Variants in PRKG1 observed in about 807,000 individuals in gnomAD.
PRKG1 encodes protein kinase cGMP-dependent 1, also known as cGMP-dependent protein kinase 1.
PRKG1 carries 35 observed loss-of-function variants against 88.1 expected under a neutral mutation model. That is an observed-to-expected ratio of 0.40 (90% confidence interval 0.30 to 0.53). The LOEUF (loss-of-function observed/expected upper bound fraction) is 0.53, where lower values mean the gene tolerates loss of function less well. Ranked by LOEUF, PRKG1 falls within the 20% of genes least tolerant of loss-of-function variation. The probability of loss-of-function intolerance (pLI) is 0.59; values close to 1 mark genes in which losing one functional copy is unlikely to be tolerated. For synonymous variants in PRKG1, 303 were observed against 292.5 expected, an observed-to-expected ratio of 1.04 and a Z score of -0.37; for missense variants, 540 against 839.8, an observed-to-expected ratio of 0.64 and a Z score of 4.41.
Position 51,517,603 on chromosome 10 carries a change from A to T in PRKG1, c.592+49767A>T, listed in dbSNP as rs192181290. ...TCCATCTTCTTCTGTCTTCGTGAAC[A>T]TGCAAATCAGTTATTTAAAGTCTGT... On this transcript the variant is annotated intron_variant, in intron 3 of 17. Transcript: ENST00000373980. Among the ~76,000 whole-genome samples, 6 of 152,372 alleles carry T rather than the reference A, an allele frequency of 3.9e-5. No homozygotes were observed. The East Asian group carries it at 1.2e-3, about 29-fold the overall frequency.
chr10:51,592,031 T>C (rs556682399), intron 3 of PRKG1, among the ~76,000 whole-genome samples: 11 of 152,300 alleles, frequency 7.2e-5, no homozygotes, highest in African/African-American at 2.2e-4. Flanking sequence ...ATTAGTATAG[T>C]GTGAGCTGCT....
chr10:51,408,864 A>T (rs957368022), intron 2 of PRKG1, among the ~76,000 whole-genome samples: 6 of 152,198 alleles, frequency 3.9e-5, no homozygotes, highest in African/African-American at 1.4e-4. Context: ...GAGGTCATCC[A>T]CTGGTGAGCA....
intron 1 of PRKG1, among the ~76,000 whole-genome samples, chr10:51,092,358 T>C (rs1320530014): frequency 2.0e-5 from 3 of 152,204 alleles, no homozygotes; most frequent in Admixed American, 2.0e-4. Flanking sequence ...CTCTTTTGAA[T>C]AGAAATGATT....
chr10:52,161,876 T>C lies in PRKG1; in HGVS notation c.1002-13T>C. ...TGTAGAAGATTAATCACTGTGCTTT[T>C]TTCGTCTGACAGCTCTTTTAAACAT... On this transcript the variant is annotated splice_polypyrimidine_tract_variant and intron_variant, in intron 8 of 17. Transcript: ENST00000373980. 6.2e-7 allele frequency: 1 copy of C among 1,611,798 alleles called. No individual in the cohort carries two copies. The highest frequency in any genetic ancestry group is 8.5e-7 in the Non-Finnish European group (1 of 1,178,788).
intron 5 of PRKG1, among the ~76,000 whole-genome samples, chr10:52,035,920 G>A (rs1419069859): frequency 1.3e-5 from 2 of 152,224 alleles, no homozygotes; most frequent in Non-Finnish European, 1.5e-5. Flanking sequence ...ACAGGGTGCG[G>A]TCCTGGCTCT....
intron 4 of PRKG1, among the ~76,000 whole-genome samples, chr10:51,893,946 T>C (rs1189489212): frequency 2.0e-5 from 3 of 152,306 alleles, no homozygotes; most frequent in African/African-American, 2.4e-5. Flanking sequence ...GAGACAAATA[T>C]ACCAACAGAT....
chr10:52,191,209 A>G (rs999428686), intron 9 of PRKG1, among the ~76,000 whole-genome samples: 18 of 152,094 alleles, frequency 1.2e-4, no homozygotes, highest in Non-Finnish European at 1.9e-4. Flanking sequence ...GCTGGAGTGC[A>G]GTGTCCTGAT....
chr10:51,445,377 T>C lies in PRKG1; in HGVS notation c.479-22346T>C, dbSNP rs539800956. ...CCTAGTTACTCATTTTAATAAAGTG[T>C]TTGTGGAAATTATGTTAATAAAAGT... On this transcript the variant is annotated intron_variant, in intron 2 of 17. Coordinates refer to ENST00000373980, the MANE Select transcript of PRKG1 (RefSeq NM_006258.4). Among the ~76,000 whole-genome samples the C allele has an allele frequency of 5.3e-5, 8 of 150,856 alleles. No individual in the cohort carries two copies. In the East Asian group the frequency reaches 1.4e-3, roughly 26 times the overall value.
intron 2 of PRKG1, among the ~76,000 whole-genome samples, chr10:51,198,438 C>T (rs927789195): frequency 1.3e-4 from 20 of 152,158 alleles, no homozygotes; most frequent in African/African-American, 4.6e-4. Context: ...ATGAAATTCA[C>T]AGTCGGATGT....
At chr10:51,204,561 G>T (rs1837997875) in intron 2 of PRKG1, among the ~76,000 whole-genome samples, 1 of 152,096 alleles carries the variant, frequency 6.6e-6, no homozygotes, top group African/African-American at 2.4e-5. Context: ...TAGCCTCATA[G>T]CTACCCTGCT....
intron 9 of PRKG1, among the ~76,000 whole-genome samples, chr10:52,179,348 T>C (rs931662023): frequency 2.6e-5 from 4 of 152,182 alleles, no homozygotes; most frequent in Non-Finnish European, 4.4e-5. Context: ...AAGGATAGTT[T>C]AGCTTGCCAT....
chr10:51,998,558 G>T (rs1844513119), intron 5 of PRKG1, among the ~76,000 whole-genome samples: 2 of 151,724 alleles, frequency 1.3e-5, no homozygotes, highest in Admixed American at 6.6e-5. Context: ...TTTTTTCAGG[G>T]TATCTGTTAT....
chr10:51,420,714 A>G (rs942478267), intron 2 of PRKG1, among the ~76,000 whole-genome samples: 1 of 152,188 alleles, frequency 6.6e-6, no homozygotes, highest in Non-Finnish European at 1.5e-5. Context: ...GCCTTGCTCT[A>G]AAGAAATACC....
chr10:51,743,624 T>A (rs1837492170), intron 3 of PRKG1, among the ~76,000 whole-genome samples: 1 of 80,498 alleles, frequency 1.2e-5, no homozygotes, highest in Non-Finnish European at 2.6e-5. Flanking sequence ...CCCCACTTGT[T>A]TAATTTATTT....
chr10:51,698,669 C>A, intron 3 of PRKG1: 2 of 1,614,194 alleles, frequency 1.2e-6, no homozygotes, highest in Non-Finnish European at 8.5e-7. Context: ...TGGGCCAACC[C>A]CTGGCATTCC....
chr10:51,581,754 G>T (rs555855455), intron 3 of PRKG1, among the ~76,000 whole-genome samples: 3 of 150,926 alleles, frequency 2.0e-5, no homozygotes, highest in African/African-American at 7.3e-5. Flanking sequence ...AGTTTCAGGG[G>T]GTCTCCCTAC....
chr10:52,238,680 G>A (rs1289510423), intron 9 of PRKG1, among the ~76,000 whole-genome samples: 1 of 148,528 alleles, frequency 6.7e-6, no homozygotes, highest in African/African-American at 2.4e-5. Context: ...AACAGGTGCT[G>A]GAGAGGATGT....
chr10:51,887,592 TTTAC>T (rs1322498289), intron 4 of PRKG1, among the ~76,000 whole-genome samples: 1 of 152,226 alleles, frequency 6.6e-6, no homozygotes, highest in African/African-American at 2.4e-5. Flanking sequence ...TTTGTTTCTG[TTTAC>T]TTGTTTCTTT....
At chr10:52,187,034 C>A (rs1240462905) in intron 9 of PRKG1, among the ~76,000 whole-genome samples, 7 of 152,070 alleles carry the variant, frequency 4.6e-5, no homozygotes, top group Admixed American at 4.6e-4. Context: ...TATGCACATT[C>A]AATTTAGTTT....
Sources: allele counts gnomAD v4.1 joint callset (sites outside exome capture counted in the v4.1 genomes callset), GRCh38; gene constraint gnomAD v4.1.1; transcripts MANE v1.5; gene names NCBI Gene and HGNC (gene_info 2026-07-23, HGNC 2026-07-21).